Variants in GRID2 observed in about 807,000 individuals in gnomAD.
GRID2 encodes the protein glutamate receptor ionotropic, delta-2.
GRID2 carries 33 observed loss-of-function variants against 114.8 expected under a neutral mutation model. The ratio of observed to expected loss-of-function variants is 0.29; its 90% CI spans 0.22 to 0.38. The LOEUF (loss-of-function observed/expected upper bound fraction) is 0.38. Among genes scored for constraint, GRID2 ranks in the 10% least tolerant of loss-of-function variants. The pLI, the probability that GRID2 is intolerant of heterozygous loss-of-function variation, is 1.00. For synonymous variants in GRID2, 505 were observed against 449.9 expected (o/e 1.12, Z -1.55); for missense variants, 1,184 against 1,257.7 (o/e 0.94, Z 0.89).
chr4:93,457,605 G>T lies in GRID2; in HGVS notation c.1858+1631G>T, dbSNP rs115217983. Reference sequence around the variant, plus strand: ...AAATTAGAAGACTATTACAATAACTGAGCAAAGAGTTGATGTGGCTTGCTC... The same window carrying T: ...AAATTAGAAGACTATTACAATAACTTAGCAAAGAGTTGATGTGGCTTGCTC... On this transcript the variant is annotated intron_variant, in intron 11 of 15. Coordinates refer to ENST00000282020, the MANE Select transcript of GRID2 (RefSeq NM_001510.4). 6.5e-3 allele frequency among the ~76,000 whole-genome samples: 983 copies of T among 152,288 alleles called. 12 individuals are homozygous for T. The highest frequency in any genetic ancestry group is 0.023 in the African/African-American group (939 of 41,554).
Position 93,514,422 on chromosome 4 carries a change from TACACAC to T in GRID2, c.1998-760_1998-755del, listed in dbSNP as rs56718347. The stretch of plus-strand genomic sequence containing the variant: ...GAAATCGCTCCCCCCACCTCCACAG[TACACAC>T]ACACACACACACACACACACACACA... On this transcript the variant is annotated intron_variant, in intron 12 of 15. Coordinates refer to ENST00000282020, the MANE Select transcript of GRID2 (RefSeq NM_001510.4). 2.0e-3 allele frequency among the ~76,000 whole-genome samples: 278 copies of T among 139,748 alleles called. 3 individuals carry two copies. Among genetic ancestry groups the T allele is most frequent in the African/African-American group, 6.2e-3 (232 of 37,648 alleles). 91.7% of individuals were successfully genotyped at this position (139,748 alleles called of 152,430 possible). A position where few individuals can be genotyped will look rare whatever the true frequency, so the allele number is the denominator to read the frequency against.
At chr4:92,594,103 AG>A (rs1466704886) in intron 2 of GRID2, among the ~76,000 whole-genome samples, 1 of 151,792 alleles carries the variant, frequency 6.6e-6, no homozygotes, top group East Asian at 1.9e-4. Context: ...TAGCAGAAAA[AG>A]AACTAAACCA....
chr4:92,870,240 TATATA>T (rs1233934308), intron 2 of GRID2, among the ~76,000 whole-genome samples: 1 of 151,328 alleles, frequency 6.6e-6, no homozygotes, highest in Non-Finnish European at 1.5e-5. Context: ...ATAAACTATA[TATATA>T]ATATATTAAG....
chr4:93,542,905 C>G (rs928216523), intron 13 of GRID2, among the ~76,000 whole-genome samples: 1 of 152,110 alleles, frequency 6.6e-6, no homozygotes, highest in Non-Finnish European at 1.5e-5. Context: ...CTTCCTGAAG[C>G]CATGCTTGCG....
At chr4:93,074,897 A>G (rs1373017306) in intron 2 of GRID2, among the ~76,000 whole-genome samples, 8 of 152,198 alleles carry the variant, frequency 5.3e-5, no homozygotes, top group Admixed American at 2.6e-4. Flanking sequence ...TCCTTGAAAT[A>G]TAAACGTTAC....
At chr4:93,402,472 G>T (rs1229222336) in intron 9 of GRID2, among the ~76,000 whole-genome samples, 1 of 151,532 alleles carries the variant, frequency 6.6e-6, no homozygotes, top group African/African-American at 2.4e-5. Flanking sequence ...ACTCAGTAAA[G>T]AAAAAAAAGC....
chr4:93,802,188 G>A (rs1403395550), intron 1 of GRID2, among the ~76,000 whole-genome samples: 1 of 152,224 alleles, frequency 6.6e-6, no homozygotes, highest in Admixed American at 6.5e-5. Context: ...ACTCAAGTAG[G>A]CTTGAACATA....
chr4:93,235,121 C>G lies in GRID2; in HGVS notation c.1126-3250C>G, dbSNP rs948652208. ...TTTTGCCTTTTAGAAACTCATTATC[C>G]AGTGGTAAATTATTCTCAACCTCTG... On this transcript the variant is annotated intron_variant, in intron 7 of 15. Coordinates refer to ENST00000282020, the MANE Select transcript of GRID2 (RefSeq NM_001510.4). Among the ~76,000 whole-genome samples, 3 of 151,896 alleles carry G rather than the reference C, an allele frequency of 2.0e-5. No individual in the cohort carries two copies. In the Admixed American group the frequency reaches 2.0e-4, roughly 10 times the overall value.
chr4:92,976,367 C>T lies in GRID2; in HGVS notation c.245-108628C>T, dbSNP rs554950823. On this transcript the variant is annotated intron_variant, in intron 2 of 15. Transcript: ENST00000282020. ...TATATCTCATGCATGTCTGTTGTAC[C>T]TATCAATTCATGAATAGTGAGATAC... is the stretch of plus-strand genomic sequence containing the variant. Among the ~76,000 whole-genome samples, 250 of 152,018 alleles carry T rather than the reference C, an allele frequency of 1.6e-3. 1 individual carries two copies. The highest frequency in any genetic ancestry group is 5.9e-3 in the African/African-American group (245 of 41,482).
At chr4:93,001,697 C>G (rs986442399) in intron 2 of GRID2, among the ~76,000 whole-genome samples, 2 of 151,594 alleles carry the variant, frequency 1.3e-5, no homozygotes, top group Admixed American at 6.6e-5. Flanking sequence ...GAGAGGGAAG[C>G]AAATGTTTAC....
intron 1 of GRID2, among the ~76,000 whole-genome samples, chr4:92,377,793 G>A (rs182195777): frequency 9.1e-4 from 139 of 152,094 alleles, no homozygotes; most frequent in Middle Eastern, 3.4e-3. Flanking sequence ...TAAAACCATC[G>A]GATCTCATGA....
intron 2 of GRID2, among the ~76,000 whole-genome samples, chr4:92,884,199 AC>A (rs1746212015): frequency 6.6e-6 from 1 of 152,070 alleles, no homozygotes; most frequent in Admixed American, 6.6e-5. Flanking sequence ...AACCCATGAA[AC>A]CATTTTTGTT....
chr4:92,375,057 T>G (rs1729290798), intron 1 of GRID2, among the ~76,000 whole-genome samples: 1 of 152,082 alleles, frequency 6.6e-6, no homozygotes, highest in Non-Finnish European at 1.5e-5. Flanking sequence ...CATGACAGTG[T>G]AGAGTGCATC....
At chr4:92,861,308 C>G (rs986721499) in intron 2 of GRID2, among the ~76,000 whole-genome samples, 10 of 152,046 alleles carry the variant, frequency 6.6e-5, no homozygotes, top group African/African-American at 1.7e-4. Context: ...ATCTCCCTAT[C>G]GAAAAGTCAC....
At chr4:93,743,463 G>A (rs1731581938) in intron 14 of GRID2, among the ~76,000 whole-genome samples, 3 of 152,142 alleles carry the variant, frequency 2.0e-5, no homozygotes, top group Admixed American at 2.0e-4. Context: ...AGAAATACCT[G>A]AGACTGAGTA....
At chr4:92,358,441 A>G (rs1007540027) in intron 1 of GRID2, among the ~76,000 whole-genome samples, 18 of 151,838 alleles carry the variant, frequency 1.2e-4, no homozygotes, top group African/African-American at 3.9e-4. Flanking sequence ...CTCACTTGGG[A>G]AAAGAATAAA....
intron 1 of GRID2, among the ~76,000 whole-genome samples, chr4:92,464,173 T>A (rs904365909): frequency 2.2e-4 from 33 of 152,026 alleles, no homozygotes; most frequent in African/African-American, 8.0e-4. Context: ...AAATTAAGAA[T>A]CAAGTGTGTC....
At chr4:93,628,363 ATTAT>A (rs1473090444) in intron 14 of GRID2, among the ~76,000 whole-genome samples, 17 of 152,260 alleles carry the variant, frequency 1.1e-4, no homozygotes, top group Non-Finnish European at 2.2e-4. Context: ...TAATATCAGT[ATTAT>A]TTATTTATAT....
At chr4:93,527,714 T>C (rs1731050560) in intron 13 of GRID2, among the ~76,000 whole-genome samples, 2 of 152,176 alleles carry the variant, frequency 1.3e-5, no homozygotes, top group South Asian at 4.1e-4. Flanking sequence ...ATAAAATACA[T>C]GTAACATAAA....
Sources: allele counts gnomAD v4.1 joint callset (sites outside exome capture counted in the v4.1 genomes callset), GRCh38; gene constraint gnomAD v4.1.1; transcripts MANE v1.5; gene names NCBI Gene and HGNC (gene_info 2026-07-23, HGNC 2026-07-21).